ZSCAN2: variants seen among roughly 807,000 people sequenced by gnomAD.
The protein encoded by ZSCAN2 is zinc finger and SCAN domain containing 2, also known as zinc finger and SCAN domain-containing protein 2.
ZSCAN2 carries 26 observed loss-of-function variants against 47.8 expected under a neutral mutation model. The observed-to-expected ratio is 0.54, with a 90% CI of 0.40 to 0.75. The LOEUF (loss-of-function observed/expected upper bound fraction) is 0.75, where lower values mean the gene tolerates loss of function less well. Ranked by LOEUF, ZSCAN2 falls within the 30% of genes least tolerant of loss-of-function variation. The probability of loss-of-function intolerance (pLI) is 0.00; values close to 1 mark genes in which losing one functional copy is unlikely to be tolerated. For missense variants in ZSCAN2, 732 were observed against 785.4 expected, an observed-to-expected ratio of 0.93 and a Z score of 0.81; for synonymous variants, 305 against 288.7, an observed-to-expected ratio of 1.06 and a Z score of -0.57.
At chr15:84,606,255 G>A in intron 2 of ZSCAN2, 1 of 407,150 alleles carries the variant, frequency 2.5e-6, no homozygotes, top group Non-Finnish European at 4.6e-6. Flanking sequence ...AAGGTCTGCA[G>A]TGACCCAGCC....
In ZSCAN2 at chr15:84,621,551, G is replaced by C. The variant is rs772339746; in HGVS notation, c.1356G>C (p.Gly452=). ...AGCCCTATAAGTGTGGGGTGTGTGGGAAGAGCTTCAGCCAGAGCTCCAGTC... is the reference window on the plus strand; with the variant it reads ...AGCCCTATAAGTGTGGGGTGTGTGGCAAGAGCTTCAGCCAGAGCTCCAGTC... ...VEKPYKCGVC[G]KSFSQSSSLI... Residue 452 remains glycine (G), a synonymous_variant, in exon 3 of 3, where the codon GGG becomes GGC. Transcript: ENST00000546148. The surrounding 1 kb of genome is among the most constrained non-coding windows in gnomAD (Gnocchi z 5.7). The C allele has an allele frequency of 5.6e-6, 9 of 1,613,608 alleles. No individual in the cohort carries two copies. The African/African-American group carries it at 1.2e-4, about 22-fold the overall frequency.
intron 2 of ZSCAN2, among the ~76,000 whole-genome samples, chr15:84,615,374 G>A (rs772376110): frequency 9.9e-5 from 15 of 151,596 alleles, no homozygotes; most frequent in East Asian, 1.9e-4. Context: ...TCTGTCACCC[G>A]GGCTGGAGTC....
chr15:84,614,609 A>G (rs563631629), intron 2 of ZSCAN2: 4 of 152,270 alleles, frequency 2.6e-5, no homozygotes, highest in African/African-American at 9.6e-5. Flanking sequence ...TACTTGAAGG[A>G]CAGTTTTGTC....
rs1443336205 is a variant in ZSCAN2, at chr15:84,604,044, C to G, written c.117C>G (p.Ser39=). Residue 39 remains serine, a synonymous_variant, in exon 2 of 3, where the codon TCC becomes TCG. Transcript: ENST00000546148. Reference sequence around the variant, plus strand: ...CCACCATGATCCTGGAGGATGACTCCTGGGTGCAAGAAGCTGTGCTGCAGG... The same window carrying G: ...CCACCATGATCCTGGAGGATGACTCGTGGGTGCAAGAAGCTGTGCTGCAGG... The part of the protein sequence containing the change: ...EVTTMILEDD[S]WVQEAVLQED... The G allele has an allele frequency of 6.2e-7, 1 of 1,614,138 alleles. No individual in the cohort carries two copies. The highest frequency in any genetic ancestry group is 1.1e-5 in the South Asian group (1 of 91,076).
In ZSCAN2 at chr15:84,622,589, G is replaced by C; in HGVS notation, c.*549G>C. The C allele has an allele frequency of 1.4e-6, 1 of 716,972 alleles. No individual in the cohort carries two copies. The allele number at this position is 716,972 out of a possible 1,614,324, so 44.4% of individuals were successfully genotyped here. Reference sequence around the variant, plus strand: ...GGCTTTGATTTCAGGTCAAGATGGAGGGGCTTCTCCAGTTCTGAGTCACCC... The same window carrying C: ...GGCTTTGATTTCAGGTCAAGATGGACGGGCTTCTCCAGTTCTGAGTCACCC... On this transcript the variant is annotated 3_prime_UTR_variant, in exon 3 of 3. Coordinates refer to ENST00000546148, the MANE Select transcript of ZSCAN2 (RefSeq NM_181877.4).
rs1284760641 is a variant in ZSCAN2, at chr15:84,621,776, G to A, written c.1581G>A (p.Glu527=). The change falls in exon 3 of 3, where the codon GAG becomes GAA. Residue 527 remains glutamate (E), a synonymous_variant. Coordinates refer to ENST00000546148, the MANE Select transcript of ZSCAN2 (RefSeq NM_181877.4). The surrounding 1 kb of genome is among the most constrained non-coding windows in gnomAD (Gnocchi z 5.7). The stretch of plus-strand genomic sequence containing the variant: ...TGCACCAGCGGACCCACACGGGCGA[G>A]AAGCCCTACAAATGCCTCATGTGCG... ...LVVHQRTHTG[E]KPYKCLMCGK... The A allele has an allele frequency of 1.2e-6, 2 of 1,614,074 alleles. No individual in the cohort carries two copies. Among genetic ancestry groups the A allele is most frequent in the East Asian group, 2.2e-5 (1 of 44,892 alleles).
rs757648582 is a variant in ZSCAN2 at position 84,621,846 on chromosome 15, G to T, written c.1651G>T (p.Ala551Ser). The change falls in exon 3 of 3, where the codon GCC (alanine) becomes TCC (serine). Residue 551 changes from alanine to serine, a missense_variant. Physicochemically the swap from Ala to Ser is moderately conservative, Grantham distance 99. Around this residue, in one of 2 missense-constraint regions of ZSCAN2, gnomAD observed 412 missense variants for 498.0 expected, o/e 0.83. Transcript: ENST00000546148. This position sits in a 1 kb window ranked among gnomAD's most constrained non-coding sequence, Gnocchi z 5.7. ...RGSILVMHQR[A>S]HLGDKPYRCP... Reference sequence around the variant, plus strand: ...CTCCATTCTGGTCATGCACCAGAGAGCCCATTTGGGAGACAAGCCCTACAG... The same window carrying T: ...CTCCATTCTGGTCATGCACCAGAGATCCCATTTGGGAGACAAGCCCTACAG... 1.2e-6 allele frequency: 2 copies of T among 1,614,154 alleles called. No individual in the cohort carries two copies. Among genetic ancestry groups the T allele is most frequent in the South Asian group, 1.1e-5 (1 of 91,080 alleles).
rs573729107 is a variant in ZSCAN2 at position 84,623,598 on chromosome 15, A to C, written c.*1558A>C. 4.8e-4 allele frequency: 80 copies of C among 167,428 alleles called. No individual in the cohort carries two copies. The highest frequency in any genetic ancestry group is 8.6e-4 in the Non-Finnish European group (59 of 68,336). The allele number at this position is 167,428 out of a possible 1,614,324, so 10.4% of individuals were successfully genotyped here. A position where few individuals can be genotyped will look rare whatever the true frequency, so the allele number is the denominator to read the frequency against. Reference sequence around the variant, plus strand: ...GTTTGCTGTGAAGGAAGAGGAGATAAGGCATTTCCAGGAAATGGGAAACTG... The same window carrying C: ...GTTTGCTGTGAAGGAAGAGGAGATACGGCATTTCCAGGAAATGGGAAACTG... On this transcript the variant is annotated 3_prime_UTR_variant, in exon 3 of 3. Transcript: ENST00000546148.
chr15:84,601,482 T>C (rs1895200893), intron 1 of ZSCAN2, among the ~76,000 whole-genome samples: 1 of 152,196 alleles, frequency 6.6e-6, no homozygotes, highest in African/African-American at 2.4e-5. Flanking sequence ...GACCGCAAAT[T>C]AGCTGACCTG....
At chr15:84,613,935 C>T (rs563534948) in intron 2 of ZSCAN2, among the ~76,000 whole-genome samples, 1 of 150,430 alleles carries the variant, frequency 6.6e-6, no homozygotes, top group South Asian at 2.1e-4. Flanking sequence ...CCACCTCTGC[C>T]TCCCAAAGTG....
intron 1 of ZSCAN2, among the ~76,000 whole-genome samples, chr15:84,602,684 G>T (rs2141753750): frequency 6.6e-6 from 1 of 150,514 alleles, no homozygotes; most frequent in South Asian, 2.1e-4. Flanking sequence ...CTCCTCCCAG[G>T]TTCGGGCAAT....
chr15:84,612,044 A>T (rs1895565024), intron 2 of ZSCAN2: 1 of 152,234 alleles, frequency 6.6e-6, no homozygotes, highest in East Asian at 1.9e-4. Context: ...GCCACCAATA[A>T]ATAAAGGAGG....
chr15:84,609,559 T>C (rs1265023884), intron 2 of ZSCAN2, among the ~76,000 whole-genome samples: 1 of 152,238 alleles, frequency 6.6e-6, no homozygotes, highest in East Asian at 1.9e-4. Context: ...GCGGTAACGT[T>C]ATACCTATGA....
rs577185882 is a variant in ZSCAN2 at position 84,623,541 on chromosome 15, G to A, written c.*1501G>A. 1.2e-5 allele frequency: 2 copies of A among 167,658 alleles called. No homozygotes were observed. The highest frequency in any genetic ancestry group is 4.1e-4 in the South Asian group (2 of 4,906). 10.4% of individuals were successfully genotyped at this position (167,658 alleles called of 1,614,324 possible). Reference sequence around the variant, plus strand: ...TGTTCTCGGGATCCTCGCACCTGGAGAGTGAAGACGGGCATGACGGCAGGT... The same window carrying A: ...TGTTCTCGGGATCCTCGCACCTGGAAAGTGAAGACGGGCATGACGGCAGGT... On this transcript the variant is annotated 3_prime_UTR_variant, in exon 3 of 3. Transcript: ENST00000546148.
chr15:84,610,051 G>A lies in ZSCAN2; in HGVS notation c.406+5718G>A, dbSNP rs559925509. Reference sequence around the variant, plus strand: ...CTGTGCACGTGAGGCCAGAGCTCACGTGGCAAGTGCGAGAAATACAAGGAC... The same window carrying A: ...CTGTGCACGTGAGGCCAGAGCTCACATGGCAAGTGCGAGAAATACAAGGAC... On this transcript the variant is annotated intron_variant, in intron 2 of 2. Coordinates refer to ENST00000546148, the MANE Select transcript of ZSCAN2 (RefSeq NM_181877.4). Among the ~76,000 whole-genome samples, 14 of 152,348 alleles carry A rather than the reference G, an allele frequency of 9.2e-5. No individual in the cohort carries two copies. The East Asian group carries it at 1.7e-3, about 19-fold the overall frequency.
chr15:84,619,274 C>CA (rs1161406275), intron 2 of ZSCAN2, among the ~76,000 whole-genome samples: 1 of 151,930 alleles, frequency 6.6e-6, no homozygotes, highest in Non-Finnish European at 1.5e-5. Flanking sequence ...TCTAAAAATA[C>CA]AAAAAATTAG....
At chr15:84,614,110 G>C (rs1895630824) in intron 2 of ZSCAN2, among the ~76,000 whole-genome samples, 1 of 145,880 alleles carries the variant, frequency 6.9e-6, no homozygotes, top group African/African-American at 2.5e-5. Context: ...CCCACCTCAG[G>C]TTCCTGAGTA....
intron 2 of ZSCAN2, among the ~76,000 whole-genome samples, chr15:84,610,488 C>CTTTTTT (rs71132689): frequency 9.2e-5 from 8 of 86,936 alleles, no homozygotes; most frequent in Non-Finnish European, 1.3e-4. Flanking sequence ...TTCTTTCTTT[C>CTTTTTT]TTTTTTTTTT....
rs777442492 is a variant in ZSCAN2, at chr15:84,604,034, A to C, written c.107A>C (p.Glu36Ala). 2 of 1,614,114 alleles carry C rather than the reference A, an allele frequency of 1.2e-6. No homozygotes were observed. The highest frequency in any genetic ancestry group is 1.7e-6 in the Non-Finnish European group (2 of 1,180,026). The change falls in exon 2 of 3, where the codon GAG becomes GCG. Residue 36 changes from glutamate to alanine, a missense_variant. Around this residue, in one of 2 missense-constraint regions of ZSCAN2, gnomAD observed 320 missense variants for 287.4 expected, o/e 1.11. Coordinates refer to ENST00000546148, the MANE Select transcript of ZSCAN2 (RefSeq NM_181877.4). ...QEEEVTTMIL[E>A]DDSWVQEAVL... ...GAGGAGGTCACCACCATGATCCTGG[A>C]GGATGACTCCTGGGTGCAAGAAGCT...
Sources: gnomAD v4.1 joint callset for allele counts (sites outside exome capture counted in the v4.1 genomes callset) on GRCh38, gnomAD v4.1.1 for gene constraint, gnomAD v4.1.1 regional missense constraint, Gnocchi (gnomAD v3.1) non-coding constraint, MANE v1.5 for transcripts, NCBI Gene and HGNC (gene_info 2026-07-23, HGNC 2026-07-21) for gene names.